Variants in ALK observed in about 807,000 individuals in gnomAD.
ALK encodes the protein ALK tyrosine kinase receptor.
In ALK, 74 loss-of-function variants were observed where a neutral mutation model predicts 163.1. The observed-to-expected ratio is 0.45, with a 90% CI of 0.38 to 0.55. The LOEUF is 0.55. Among genes scored for constraint, ALK ranks in the 20% least tolerant of loss-of-function variants. The pLI, the probability that ALK is intolerant of heterozygous loss-of-function variation, is 0.00. For missense variants in ALK, 2,063 were observed against 2,105.3 expected, an observed-to-expected ratio of 0.98 and a Z score of 0.39; for synonymous variants, 960 against 843.2, an observed-to-expected ratio of 1.14 and a Z score of -2.40.
intron 1 of ALK, among the ~76,000 whole-genome samples, chr2:29,875,914 A>G (rs1666693200): frequency 6.6e-6 from 1 of 152,252 alleles, no homozygotes; most frequent in Non-Finnish European, 1.5e-5. Context: ...CTTTTAGAGT[A>G]GAATGATTTA....
chr2:29,289,591 G>A (rs552288608), intron 9 of ALK, among the ~76,000 whole-genome samples: 73 of 152,260 alleles, frequency 4.8e-4, no homozygotes, highest in Non-Finnish European at 8.8e-4. Flanking sequence ...CCATGTGAAC[G>A]AATCGGTTTT....
chr2:29,912,519 T>C (rs533160799), intron 1 of ALK, among the ~76,000 whole-genome samples: 1 of 152,166 alleles, frequency 6.6e-6, no homozygotes, highest in East Asian at 1.9e-4. Context: ...AGTCTTATTC[T>C]AATGGAAATG....
Position 29,192,926 on chromosome 2 carries a change from G to A in ALK, c.*298C>T, listed in dbSNP as rs1728828. On this transcript the variant is annotated 3_prime_UTR_variant, in exon 29 of 29. Transcript: ENST00000389048. ...CATTGAAGCAGAGCACACACAATTT[G>A]AAAGAAGCATAAGGAAGTATACAAC... 451,343 of 453,082 alleles carry A rather than the reference G, an allele frequency of 1. 224,828 individuals carry two copies. The highest frequency in any genetic ancestry group is 1 in the East Asian group (25,570 of 25,570). The allele number at this position is 453,082 out of a possible 1,614,324, so 28.1% of individuals were successfully genotyped here. A position where few individuals can be genotyped will look rare whatever the true frequency, so the allele number is the denominator to read the frequency against.
At chr2:29,293,521 G>A (rs1666095667) in intron 9 of ALK, among the ~76,000 whole-genome samples, 1 of 152,148 alleles carries the variant, frequency 6.6e-6, no homozygotes, top group Non-Finnish European at 1.5e-5. Context: ...ATAGGTGTCT[G>A]GGGATAATTT....
At chr2:29,288,833 G>A (rs1665930448) in intron 9 of ALK, among the ~76,000 whole-genome samples, 2 of 151,376 alleles carry the variant, frequency 1.3e-5, no homozygotes, top group African/African-American at 2.4e-5. Context: ...ATGCCTGTAA[G>A]CCCAGCTACT....
At chr2:29,272,185 G>GGAGGGAGAGAGAGAGAGAGA (rs1553402255) in intron 11 of ALK, among the ~76,000 whole-genome samples, 2,098 of 145,056 alleles carry the variant, frequency 0.014, 20 homozygotes, top group Middle Eastern at 0.025. Context: ...GTCGGGTGAG[G>GGAGGGAGAGAGAGAGAGAGA]GAGAGAGAGA....
intron 26 of ALK, among the ~76,000 whole-genome samples, chr2:29,203,684 C>T (rs1268283945): frequency 6.6e-6 from 1 of 151,520 alleles, no homozygotes; most frequent in Non-Finnish European, 1.5e-5. Context: ...ACGGGTTTCA[C>T]CATCTTGGCC....
At chr2:29,840,126 C>T (rs567575530) in intron 1 of ALK, among the ~76,000 whole-genome samples, 1 of 152,172 alleles carries the variant, frequency 6.6e-6, no homozygotes, top group African/African-American at 2.4e-5. Context: ...ATATATGTCT[C>T]ATATATCCTA....
chr2:29,461,884 T>A (rs1404488066), intron 4 of ALK, among the ~76,000 whole-genome samples: 1 of 151,228 alleles, frequency 6.6e-6, no homozygotes, highest in Non-Finnish European at 1.5e-5. Context: ...GAAACTCTTC[T>A]GGAAAAAAAA....
At chr2:29,659,427 T>A (rs556280622) in intron 3 of ALK, among the ~76,000 whole-genome samples, 1 of 152,080 alleles carries the variant, frequency 6.6e-6, no homozygotes, top group Non-Finnish European at 1.5e-5. Flanking sequence ...GCATAGGGTC[T>A]CCATGGTGAG....
intron 3 of ALK, among the ~76,000 whole-genome samples, chr2:29,535,256 C>T (rs774565242): frequency 4.6e-5 from 7 of 152,158 alleles, no homozygotes; most frequent in East Asian, 1.9e-4. Context: ...GCTCATACAG[C>T]GCCACAACCA....
chr2:29,514,778 T>A (rs1672618157), intron 4 of ALK, among the ~76,000 whole-genome samples: 1 of 152,198 alleles, frequency 6.6e-6, no homozygotes, highest in African/African-American at 2.4e-5. Flanking sequence ...ATCCTGCCCA[T>A]TGTCTCTTGT....
chr2:29,220,827 T>C lies in ALK; in HGVS notation c.3524A>G (p.Asn1175Ser), dbSNP rs774872969. The C allele has an allele frequency of 5.4e-5, 87 of 1,613,950 alleles. No individual in the cohort carries two copies. The highest frequency in any genetic ancestry group is 7.1e-5 in the Non-Finnish European group (84 of 1,179,962). ...AATGCAGCGAACAATGTTCTGGTGG[T>C]TGAATTTGCTGCAGAGCAGAGAGGG... ...LMEALIISKF[N>S]HQNIVRCIGV... The change falls in exon 23 of 29, where the codon AAC (asparagine) becomes AGC (serine). Residue 1175 changes from asparagine to serine, a missense_variant. Asn to Ser is a conservative substitution (Grantham distance 46, BLOSUM62 1). Coordinates refer to ENST00000389048, the MANE Select transcript of ALK (RefSeq NM_004304.5).
chr2:29,910,966 C>T (rs567669319), intron 1 of ALK, among the ~76,000 whole-genome samples: 115 of 151,198 alleles, frequency 7.6e-4, no homozygotes, highest in Non-Finnish European at 9.1e-4. Context: ...ATACTCTGGA[C>T]GAAACAACAA....
intron 1 of ALK, among the ~76,000 whole-genome samples, chr2:29,746,795 T>C (rs967009870): frequency 1.3e-5 from 2 of 152,214 alleles, no homozygotes; most frequent in Non-Finnish European, 2.9e-5. Context: ...TATCAGTCCA[T>C]TGTGTTTGAA....
chr2:29,639,574 A>G (rs1676641555), intron 3 of ALK, among the ~76,000 whole-genome samples: 2 of 152,182 alleles, frequency 1.3e-5, no homozygotes, highest in Non-Finnish European at 2.9e-5. Flanking sequence ...ATATTTATAG[A>G]ATAGGAAATC....
chr2:29,371,049 T>C (rs1317823803), intron 5 of ALK, among the ~76,000 whole-genome samples: 1 of 152,204 alleles, frequency 6.6e-6, no homozygotes, highest in Non-Finnish European at 1.5e-5. Context: ...TCCACCCAAA[T>C]GCTGATCATA....
chr2:29,313,358 C>A (rs910941028), intron 8 of ALK, among the ~76,000 whole-genome samples: 2 of 152,266 alleles, frequency 1.3e-5, no homozygotes, highest in African/African-American at 4.8e-5. Flanking sequence ...TGAACAAACT[C>A]CATTTGAGTC....
intron 3 of ALK, among the ~76,000 whole-genome samples, chr2:29,562,878 G>C (rs1221954883): frequency 6.6e-6 from 1 of 152,214 alleles, no homozygotes; most frequent in East Asian, 1.9e-4. Context: ...AGATTCGAAA[G>C]GATTGGGTCT....
Sources: gnomAD v4.1 joint callset for allele counts (sites outside exome capture counted in the v4.1 genomes callset) on GRCh38, gnomAD v4.1.1 for gene constraint, MANE v1.5 for transcripts, NCBI Gene and HGNC (gene_info 2026-07-23, HGNC 2026-07-21) for gene names.